Variants in EPHA3 observed in about 807,000 individuals in gnomAD.
EPHA3 encodes EPH receptor A3.
In EPHA3, 42 loss-of-function variants were observed where a neutral mutation model predicts 107.1. That is an observed-to-expected ratio of 0.39 (90% CI 0.31 to 0.51). The LOEUF is 0.51. Ranked by LOEUF, EPHA3 falls within the 20% of genes least tolerant of loss-of-function variation. The pLI, the probability that EPHA3 is intolerant of heterozygous loss-of-function variation, is 0.78. For synonymous variants in EPHA3, 461 were observed against 424.8 expected, an observed-to-expected ratio of 1.09 and a Z score of -1.05; for missense variants, 1,183 against 1,211.2, an observed-to-expected ratio of 0.98 and a Z score of 0.35.
At chr3:89,308,477 G>C (rs1706681029) in intron 3 of EPHA3, among the ~76,000 whole-genome samples, 1 of 152,098 alleles carries the variant, frequency 6.6e-6, no homozygotes, top group Admixed American at 6.6e-5. Flanking sequence ...AAGAACATCA[G>C]GAACCCTGGC....
rs1362931927 is a variant in EPHA3, at chr3:89,358,543, C to T, written c.1306+16453C>T. Reference sequence around the variant, plus strand: ...TCAAGGAGCTCTCAATTTAGGACATCTTAAAGGTTTCATGAATACAGCATG... The same window carrying T: ...TCAAGGAGCTCTCAATTTAGGACATTTTAAAGGTTTCATGAATACAGCATG... On this transcript the variant is annotated intron_variant, in intron 5 of 16. Coordinates refer to ENST00000336596, the MANE Select transcript of EPHA3 (RefSeq NM_005233.6). Among the ~76,000 whole-genome samples the T allele has an allele frequency of 1.3e-5, 2 of 150,934 alleles. 1 individual carries two copies. Among genetic ancestry groups the T allele is most frequent in the Non-Finnish European group, 3.0e-5 (2 of 67,480 alleles).
At chr3:89,391,312 G>A (rs1559677675) in intron 5 of EPHA3, among the ~76,000 whole-genome samples, 1 of 151,900 alleles carries the variant, frequency 6.6e-6, no homozygotes, top group Non-Finnish European at 1.5e-5. Flanking sequence ...ATGGAGAATG[G>A]TCAGCTGTGT....
intron 5 of EPHA3, among the ~76,000 whole-genome samples, chr3:89,359,832 T>TATATACATATATATAC (rs747927767): frequency 6.2e-5 from 8 of 128,120 alleles, no homozygotes; most frequent in African/African-American, 8.7e-5. Flanking sequence ...CATATATATA[T>TATATACATATATATAC]ACATATATAT....
chr3:89,258,662 A>C (rs1705342894), intron 3 of EPHA3, among the ~76,000 whole-genome samples: 1 of 152,222 alleles, frequency 6.6e-6, no homozygotes, highest in South Asian at 2.1e-4. Context: ...TATAGATTTG[A>C]ATTAAGTACG....
Position 89,366,982 on chromosome 3 carries a change from C to T in EPHA3, c.1306+24892C>T, listed in dbSNP as rs1412044005. ...TCTCTTCTATTTCTATAACATTCTT[C>T]CTATCTTCACTTGATATTACTAACT... On this transcript the variant is annotated intron_variant, in intron 5 of 16. Coordinates refer to ENST00000336596, the MANE Select transcript of EPHA3 (RefSeq NM_005233.6). 8.0e-5 allele frequency among the ~76,000 whole-genome samples: 12 copies of T among 150,778 alleles called. No individual in the cohort carries two copies. The East Asian group carries it at 2.3e-3, about 29-fold the overall frequency.
chr3:89,217,247 C>A (rs1473127570), intron 3 of EPHA3, among the ~76,000 whole-genome samples: 3 of 152,012 alleles, frequency 2.0e-5, no homozygotes, highest in Non-Finnish European at 4.4e-5. Context: ...AAAGAAAGAG[C>A]CTTTTGGAAA....
chr3:89,303,769 A>T (rs1706546422), intron 3 of EPHA3, among the ~76,000 whole-genome samples: 1 of 152,134 alleles, frequency 6.6e-6, no homozygotes, highest in African/African-American at 2.4e-5. Context: ...GACATGAAGA[A>T]ATGGAATTCT....
intron 10 of EPHA3, among the ~76,000 whole-genome samples, chr3:89,417,177 G>A (rs1311615004): frequency 6.6e-6 from 1 of 151,310 alleles, no homozygotes; most frequent in Non-Finnish European, 1.5e-5. Flanking sequence ...AGCTTTATGA[G>A]GTAGATACAA....
intron 2 of EPHA3, among the ~76,000 whole-genome samples, chr3:89,176,396 A>G (rs1705320439): frequency 6.6e-6 from 1 of 151,336 alleles, no homozygotes; most frequent in Non-Finnish European, 1.5e-5. Flanking sequence ...GAGGCAGGAG[A>G]ATAGGAGAAT....
chr3:89,403,732 G>C (rs187762767), intron 7 of EPHA3, among the ~76,000 whole-genome samples: 31 of 152,274 alleles, frequency 2.0e-4, no homozygotes, highest in Admixed American at 1.8e-3. Flanking sequence ...AAATACATTA[G>C]AGCAGCTGAG....
At chr3:89,430,931 A>C (rs1709553891) in intron 12 of EPHA3, among the ~76,000 whole-genome samples, 1 of 152,164 alleles carries the variant, frequency 6.6e-6, no homozygotes, top group Admixed American at 6.6e-5. Flanking sequence ...AAAGAACGTT[A>C]AGATACTTCC....
intron 2 of EPHA3, among the ~76,000 whole-genome samples, chr3:89,170,445 C>G (rs755050567): frequency 6.6e-6 from 1 of 152,122 alleles, no homozygotes; most frequent in Non-Finnish European, 1.5e-5. Flanking sequence ...TAGCCTGGCT[C>G]TCTGTCCTGA....
At chr3:89,223,892 AG>A (rs1266497447) in intron 3 of EPHA3, among the ~76,000 whole-genome samples, 2 of 152,160 alleles carry the variant, frequency 1.3e-5, no homozygotes, top group African/African-American at 2.4e-5. Flanking sequence ...TAAAAAATAA[AG>A]CTTTGTTATC....
chr3:89,475,290 G>T (rs1389024717), intron 16 of EPHA3, among the ~76,000 whole-genome samples: 1 of 152,114 alleles, frequency 6.6e-6, no homozygotes, highest in Admixed American at 6.5e-5. Flanking sequence ...ATTGCTTTCA[G>T]TCTGTATTTT....
At chr3:89,127,406 A>G in intron 2 of EPHA3, 133 bp downstream of exon 2, 11 of 613,340 alleles carry the variant, frequency 1.8e-5, no homozygotes, top group East Asian at 2.8e-5. Flanking sequence ...AGTATTCAAT[A>G]TATGGAGTAC....
At chr3:89,158,062 A>G (rs1379719457) in intron 2 of EPHA3, among the ~76,000 whole-genome samples, 2 of 152,080 alleles carry the variant, frequency 1.3e-5, no homozygotes, top group Admixed American at 1.3e-4. Flanking sequence ...AGTTCTATGT[A>G]TACCATTGCT....
chr3:89,244,719 G>A (rs1191162028), intron 3 of EPHA3, among the ~76,000 whole-genome samples: 1 of 152,112 alleles, frequency 6.6e-6, no homozygotes, highest in Non-Finnish European at 1.5e-5. Flanking sequence ...CAGTAATAGC[G>A]ATGTGGATAT....
At chr3:89,231,491 A>T (rs1704633801) in intron 3 of EPHA3, among the ~76,000 whole-genome samples, 1 of 152,100 alleles carries the variant, frequency 6.6e-6, no homozygotes, top group Non-Finnish European at 1.5e-5. Context: ...TCCTTCCCTC[A>T]TCTAGCTCCT....
chr3:89,211,979 C>T (rs370375340), intron 3 of EPHA3, among the ~76,000 whole-genome samples: 2 of 151,700 alleles, frequency 1.3e-5, no homozygotes, highest in African/African-American at 4.8e-5. Context: ...ATTTAAGAAT[C>T]GCATGCCAAA....
Sources: gnomAD v4.1 joint callset for allele counts (sites outside exome capture counted in the v4.1 genomes callset) on GRCh38, gnomAD v4.1.1 for gene constraint, MANE v1.5 for transcripts, NCBI Gene and HGNC (gene_info 2026-07-23, HGNC 2026-07-21) for gene names.